Variants in RGPD1 observed in about 807,000 individuals in gnomAD.
RGPD1 encodes RANBP2-like and GRIP domain-containing protein 1.
In RGPD1, 7 loss-of-function variants were observed where a neutral mutation model predicts 40.6. The observed-to-expected ratio is 0.17, with a 90% CI of 0.10 to 0.32. RGPD1 has a LOEUF of 0.32. RGPD1 is among the 10% of genes least tolerant of loss of function. The pLI is 1.00. For missense variants in RGPD1, 50 were observed against 472.5 expected (o/e 0.11, Z 8.29); for synonymous variants, 24 against 167.0 (o/e 0.14, Z 6.60).
chr2:86,940,964 A>T (rs1265094009), upstream of RGPD1, among the ~76,000 whole-genome samples: 1 of 151,988 alleles, frequency 6.6e-6, no homozygotes, highest in Non-Finnish European at 1.5e-5. Flanking sequence ...TCTTTTATTC[A>T]CATCCAATAT....
Position 86,942,175 on chromosome 2 carries a change from T to C in RGPD1, c.-62T>C. On this transcript the variant is annotated 5_prime_UTR_variant, in exon 1 of 23. Coordinates refer to ENST00000641458, the MANE Select transcript of RGPD1 (RefSeq NM_001382344.1). Reference sequence around the variant, plus strand: ...CTTTCAGGCGCTTTCCTGTTGGAATTGGCGACTGCTGCGGGGCTGAGCGCT... The same window carrying C: ...CTTTCAGGCGCTTTCCTGTTGGAATCGGCGACTGCTGCGGGGCTGAGCGCT... 6.5e-7 allele frequency: 1 copy of C among 1,535,800 alleles called. No individual in the cohort carries two copies. Among genetic ancestry groups the C allele is most frequent in the Non-Finnish European group, 8.8e-7 (1 of 1,140,218 alleles).
At chr2:86,941,312 A>G (rs1251933630), upstream of RGPD1, among the ~76,000 whole-genome samples, 3 of 149,540 alleles carry the variant, frequency 2.0e-5, no homozygotes, top group Admixed American at 6.7e-5. Context: ...AAATCTTTAC[A>G]TTATTACTGT....
chr2:86,927,369 CTT>C (rs1558787798), intron 1 of RGPD1, among the ~76,000 whole-genome samples: 2 of 147,544 alleles, frequency 1.4e-5, no homozygotes. Flanking sequence ...TAGGAAGACT[CTT>C]TTTTTCCCCC....
At chr2:86,914,635 GACCT>G (rs1677680312) in intron 1 of RGPD1, among the ~76,000 whole-genome samples, 1 of 43,912 alleles carries the variant, frequency 2.3e-5, no homozygotes, top group African/African-American at 1.0e-4. Context: ...CGGCGGCCTC[GACCT>G]GGCCGGGCGG....
intron 1 of RGPD1, among the ~76,000 whole-genome samples, chr2:86,918,662 T>C (rs1677912739): frequency 6.8e-6 from 1 of 147,908 alleles, no homozygotes; most frequent in South Asian, 2.1e-4. Flanking sequence ...GGTTTCACCA[T>C]GTTAGCCAGG....
intron 1 of RGPD1, among the ~76,000 whole-genome samples, chr2:86,925,619 A>G (rs1403277210): frequency 1.3e-5 from 2 of 152,252 alleles, no homozygotes; most frequent in South Asian, 2.1e-4. Flanking sequence ...TTGTATATAC[A>G]GGAAAAAAAA....
intron 1 of RGPD1, among the ~76,000 whole-genome samples, chr2:86,918,322 A>C (rs1449872220): frequency 6.7e-6 from 1 of 150,260 alleles, no homozygotes; most frequent in Non-Finnish European, 1.5e-5. Flanking sequence ...ATCTCCTTCT[A>C]GCTTTGGAGA....
At chr2:86,931,673 A>G (rs1158273236) in intron 1 of RGPD1, among the ~76,000 whole-genome samples, 1 of 151,872 alleles carries the variant, frequency 6.6e-6, no homozygotes, top group Non-Finnish European at 1.5e-5. Flanking sequence ...ATACATTTTC[A>G]TAAATCATAC....
intron 1 of RGPD1, among the ~76,000 whole-genome samples, chr2:86,936,765 C>T (rs1274247518): frequency 4.9e-5 from 6 of 122,768 alleles, no homozygotes; most frequent in Admixed American, 1.5e-4. Context: ...CGATTACAGG[C>T]GTGAGCCACT....
chr2:86,914,052 GGCGGCC>G lies in RGPD1; in HGVS notation c.72+132_72+137del, dbSNP rs1390408981. On this transcript the variant is annotated intron_variant, in intron 1 of 22. Transcript: ENST00000398193. ...CGGCGGCGGCGGCGGCGGCGGCGGC[GGCGGCC>G]TCGGCCTCGGCCCCGGCCTGGCCGG... 4.7e-5 allele frequency: 2 copies of G among 42,794 alleles called. 1 individual carries two copies. Among genetic ancestry groups the G allele is most frequent in the African/African-American group, 2.6e-4 (2 of 7,636 alleles). 2.7% of individuals were successfully genotyped at this position (42,794 alleles called of 1,614,324 possible).
chr2:86,943,419 G>A (rs1330393222), intron 1 of RGPD1, among the ~76,000 whole-genome samples: 2 of 151,766 alleles, frequency 1.3e-5, no homozygotes, highest in Admixed American at 6.6e-5. Context: ...CTCTTTACAG[G>A]TAAATAATGT....
At chr2:86,945,639 A>T (rs1419357387) in intron 1 of RGPD1, among the ~76,000 whole-genome samples, 2 of 152,158 alleles carry the variant, frequency 1.3e-5, no homozygotes, top group African/African-American at 4.8e-5. Flanking sequence ...TCTTAAAAAT[A>T]TTCTTCGTCT....
intron 1 of RGPD1, among the ~76,000 whole-genome samples, chr2:86,943,448 T>C (rs1573611134): frequency 6.6e-6 from 1 of 152,168 alleles, no homozygotes; most frequent in African/African-American, 2.4e-5. Flanking sequence ...TTGGATTCAA[T>C]AAGACTTTAG....
intron 1 of RGPD1, among the ~76,000 whole-genome samples, chr2:86,924,449 C>G (rs1435406076): frequency 6.6e-6 from 1 of 150,678 alleles, no homozygotes; most frequent in African/African-American, 2.4e-5. Flanking sequence ...GCCACCATGC[C>G]CGGCCCGTGG....
chr2:86,914,253 GCGGCCT>G (rs1268560685), intron 1 of RGPD1, among the ~76,000 whole-genome samples: 5 of 96,348 alleles, frequency 5.2e-5, no homozygotes, highest in African/African-American at 1.9e-4. Context: ...GGCGGCGGCG[GCGGCCT>G]CGGCCTCGGC....
At chr2:86,923,045 T>A (rs1678144002) in intron 1 of RGPD1, among the ~76,000 whole-genome samples, 1 of 121,564 alleles carries the variant, frequency 8.2e-6, no homozygotes. Flanking sequence ...TTTTTTTTTT[T>A]TTTTTTTTTT....
At chr2:86,955,967 AAAGATTT>A (rs1680700150) in intron 4 of RGPD1, among the ~76,000 whole-genome samples, 2 of 150,972 alleles carry the variant, frequency 1.3e-5, no homozygotes, top group African/African-American at 4.9e-5. Flanking sequence ...AGCACTCTTT[AAAGATTT>A]TCTTTAATAA....
chr2:86,920,004 T>C (rs1419043845), intron 1 of RGPD1, among the ~76,000 whole-genome samples: 1 of 151,896 alleles, frequency 6.6e-6, no homozygotes, highest in African/African-American at 2.4e-5. Context: ...TTTCAGCACA[T>C]GAAGGAATTG....
At chr2:86,931,913 GATA>G (rs538500820) in intron 1 of RGPD1, among the ~76,000 whole-genome samples, 1,480 of 147,604 alleles carry the variant, frequency 0.01, 3 homozygotes, top group African/African-American at 0.034. Context: ...AGACAGAGAA[GATA>G]ATAATATATT....
Sources: gnomAD v4.1 joint callset for allele counts (sites outside exome capture counted in the v4.1 genomes callset) on GRCh38, gnomAD v4.1.1 for gene constraint, MANE v1.5 for transcripts, NCBI Gene and HGNC (gene_info 2026-07-23, HGNC 2026-07-21) for gene names.